Variants in ZYG11B observed in about 807,000 individuals in gnomAD.
The protein encoded by ZYG11B is protein zyg-11 homolog B.
In ZYG11B, 36 loss-of-function variants were observed where a neutral mutation model predicts 82.4. The ratio of observed to expected loss-of-function variants is 0.44; its 90% CI spans 0.33 to 0.58. The LOEUF (loss-of-function observed/expected upper bound fraction) is 0.58. ZYG11B is among the 20% of genes least tolerant of loss of function. The pLI, the probability that ZYG11B is intolerant of heterozygous loss-of-function variation, is 0.02. For missense variants in ZYG11B, 552 were observed against 895.6 expected (o/e 0.62, Z 4.90); for synonymous variants, 303 against 312.8 (o/e 0.97, Z 0.33).
chr1:52,756,696 C>T (rs1391225353), intron 2 of ZYG11B, 73 bp downstream of exon 2: 1 of 1,426,780 alleles, frequency 7.0e-7, no homozygotes, highest in Non-Finnish European at 9.5e-7. Flanking sequence ...CTACAGTAGC[C>T]ATTTAATTAT....
At chr1:52,768,596 C>CTTTTTT (rs142493514) in intron 2 of ZYG11B, among the ~76,000 whole-genome samples, 1 of 136,850 alleles carries the variant, frequency 7.3e-6, no homozygotes, top group South Asian at 2.3e-4. Flanking sequence ...CCTTCTTCCT[C>CTTTTTT]TTTTTTTTTT....
At chr1:52,729,651 C>T (rs1644313742) in intron 1 of ZYG11B, among the ~76,000 whole-genome samples, 1 of 152,280 alleles carries the variant, frequency 6.6e-6, no homozygotes, top group African/African-American at 2.4e-5. Context: ...ACCAGCCTGG[C>T]CAACATGGCA....
At chr1:52,798,170 A>G (rs1325066747) in intron 8 of ZYG11B, among the ~76,000 whole-genome samples, 2 of 151,992 alleles carry the variant, frequency 1.3e-5, no homozygotes, top group East Asian at 1.9e-4. Flanking sequence ...AAAGAAGTGA[A>G]TTTATTTCTT....
At chr1:52,816,434 G>A in intron 12 of ZYG11B, 98 bp from the exon 13 acceptor site, 1 of 777,650 alleles carries the variant, frequency 1.3e-6, no homozygotes, top group Non-Finnish European at 2.2e-6. Flanking sequence ...AAATATAATA[G>A]GATAAAATTT....
chr1:52,737,762 C>CA (rs1011704911), intron 1 of ZYG11B, among the ~76,000 whole-genome samples: 6 of 151,664 alleles, frequency 4.0e-5, no homozygotes, highest in East Asian at 3.9e-4. Context: ...AACCCTGTCT[C>CA]AAAAAAAACA....
At chr1:52,779,751 A>C in intron 3 of ZYG11B, 102 bp from the exon 4 acceptor site, 1 of 1,440,186 alleles carries the variant, frequency 6.9e-7, no homozygotes, top group Non-Finnish European at 9.4e-7. Flanking sequence ...TGGCCTCCCA[A>C]AGTACTGGGA....
Position 52,796,276 on chromosome 1 carries a change from C to G in ZYG11B, c.1335-16C>G, listed in dbSNP as rs1172921660. The stretch of plus-strand genomic sequence containing the variant: ...GCCTCCACGATTAATTCATGAAACC[C>G]TTTTTGTGTTTTCAGGTTTGAAGCA... On this transcript the variant is annotated splice_polypyrimidine_tract_variant and intron_variant, in intron 6 of 13. Coordinates refer to ENST00000294353, the MANE Select transcript of ZYG11B (RefSeq NM_024646.3). 1.2e-6 allele frequency: 2 copies of G among 1,606,566 alleles called. No homozygotes were observed. The highest frequency in any genetic ancestry group is 1.7e-6 in the Non-Finnish European group (2 of 1,173,566).
chr1:52,825,262 CTAAT>C lies in ZYG11B; in HGVS notation c.*3638_*3641del, dbSNP rs1243477851. ...AGTTGAAAATTAACTGCATTATTAA[CTAAT>C]TAATAAAATAAATCAAGTGGTATAA... On this transcript the variant is annotated 3_prime_UTR_variant, in exon 14 of 14. Transcript: ENST00000294353. 6.6e-6 allele frequency: 1 copy of C among 151,954 alleles called. No homozygotes were observed. The highest frequency in any genetic ancestry group is 1.5e-5 in the Non-Finnish European group (1 of 67,984). 9.4% of individuals were successfully genotyped at this position (151,954 alleles called of 1,614,324 possible). A position where few individuals can be genotyped will look rare whatever the true frequency, so the allele number is the denominator to read the frequency against.
At chr1:52,737,139 C>T (rs1240300307) in intron 1 of ZYG11B, among the ~76,000 whole-genome samples, 1 of 152,132 alleles carries the variant, frequency 6.6e-6, no homozygotes, top group African/African-American at 2.4e-5. Context: ...ACCTCGGCCT[C>T]CCAAAGTGCT....
At chr1:52,790,715 CAAAAAAAA>C (rs755866491) in intron 6 of ZYG11B, among the ~76,000 whole-genome samples, 3 of 49,704 alleles carry the variant, frequency 6.0e-5, no homozygotes, top group Admixed American at 3.7e-4. Context: ...AAGACTGTCT[CAAAAAAAA>C]AAAAAAAAAA....
At chr1:52,732,651 A>G (rs769194568) in intron 1 of ZYG11B, among the ~76,000 whole-genome samples, 2 of 151,970 alleles carry the variant, frequency 1.3e-5, no homozygotes, top group Non-Finnish European at 2.9e-5. Context: ...AGTAGTCCCA[A>G]CTACTCAGGA....
At chr1:52,816,469 C>G in intron 12 of ZYG11B, 63 bp from the exon 13 acceptor site, 1 of 1,170,998 alleles carries the variant, frequency 8.5e-7, no homozygotes, top group Non-Finnish European at 1.3e-6. Flanking sequence ...TTAGGAATCA[C>G]TGCTTTAGGA....
intron 1 of ZYG11B, among the ~76,000 whole-genome samples, chr1:52,739,055 C>T (rs936372333): frequency 7.0e-6 from 1 of 142,246 alleles, no homozygotes; most frequent in Non-Finnish European, 1.5e-5. Flanking sequence ...GATCTTGGCT[C>T]ACTGCCACCT....
intron 10 of ZYG11B, among the ~76,000 whole-genome samples, chr1:52,808,044 C>A (rs1479703020): frequency 6.6e-6 from 1 of 152,162 alleles, no homozygotes; most frequent in African/African-American, 2.4e-5. Context: ...TGTACACGTT[C>A]TTTTCCTCTG....
intron 1 of ZYG11B, among the ~76,000 whole-genome samples, chr1:52,738,413 T>C (rs1412504556): frequency 6.6e-6 from 1 of 151,968 alleles, no homozygotes; most frequent in East Asian, 1.9e-4. Context: ...ACTCCTAAGC[T>C]CAAGTGATCT....
chr1:52,785,191 G>T, intron 5 of ZYG11B, 138 bp downstream of exon 5: 1 of 913,014 alleles, frequency 1.1e-6, no homozygotes. Context: ...AGAAAACAGA[G>T]AAGTGGACAC....
Position 52,813,932 on chromosome 1 carries a change from A to G in ZYG11B, c.1946+20A>G. 6.2e-7 allele frequency: 1 copy of G among 1,611,850 alleles called. No individual in the cohort carries two copies. The highest frequency in any genetic ancestry group is 8.5e-7 in the Non-Finnish European group (1 of 1,178,526). ...ATACAGGTAATTAGTATCATAATTA[A>G]CAGTAAACCAGCAACCTAGTCTAGA... On this transcript the variant is annotated intron_variant, in intron 12 of 13. Transcript: ENST00000294353.
intron 6 of ZYG11B, 45 bp downstream of exon 6, chr1:52,790,112 T>A: frequency 7.2e-7 from 1 of 1,387,154 alleles, no homozygotes; most frequent in Non-Finnish European, 9.9e-7. Context: ...AACAGAATGT[T>A]AGAAATCTGT....
At chr1:52,762,044 C>G (rs887922064) in intron 2 of ZYG11B, among the ~76,000 whole-genome samples, 2 of 152,026 alleles carry the variant, frequency 1.3e-5, no homozygotes, top group African/African-American at 2.4e-5. Context: ...GTTTGAGTTT[C>G]TTATATATTC....
Sources: gnomAD v4.1 joint callset for allele counts (sites outside exome capture counted in the v4.1 genomes callset) on GRCh38, gnomAD v4.1.1 for gene constraint, MANE v1.5 for transcripts, NCBI Gene and HGNC (gene_info 2026-07-23, HGNC 2026-07-21) for gene names.